The following SPECC1 variants were observed in gnomAD, a reference collection of about 807,000 sequenced individuals.
The protein encoded by SPECC1 is cytospin-B.
In SPECC1, 62 loss-of-function variants were observed where a neutral mutation model predicts 104.1. The ratio of observed to expected loss-of-function variants is 0.60; its 90% CI spans 0.49 to 0.74. SPECC1 has a LOEUF of 0.74. Among genes scored for constraint, SPECC1 ranks in the 30% least tolerant of loss-of-function variants. The pLI is 0.00. For synonymous variants in SPECC1, 513 were observed against 501.6 expected (o/e 1.02, Z -0.30); for missense variants, 1,306 against 1,310.5 (o/e 1.00, Z 0.05).
At chr17:20,184,655 G>C (rs1244978627) in intron 3 of SPECC1, among the ~76,000 whole-genome samples, 1 of 152,192 alleles carries the variant, frequency 6.6e-6, no homozygotes, top group East Asian at 1.9e-4. Flanking sequence ...AGGACCTACT[G>C]TATATAGTTT....
chr17:20,196,077 A>G (rs182005533), intron 3 of SPECC1, among the ~76,000 whole-genome samples: 302 of 152,354 alleles, frequency 2.0e-3, no homozygotes, highest in African/African-American at 7.0e-3. Flanking sequence ...TTAATTTTTT[A>G]CAAACCTTCC....
intron 3 of SPECC1, 130 bp from the exon 4 acceptor site, chr17:20,204,203 C>A: frequency 8.7e-7 from 1 of 1,154,500 alleles, no homozygotes. Context: ...GGGTAATTAG[C>A]TAGAGGAGGA....
rs2042050129 is a variant in SPECC1, at chr17:20,317,052, AC to A, written c.*2989del. The A allele has an allele frequency of 2.3e-5, 3 of 133,038 alleles. No homozygotes were observed. The highest frequency in any genetic ancestry group is 3.9e-5 in the Non-Finnish European group (3 of 77,016). 8.2% of individuals were successfully genotyped at this position (133,038 alleles called of 1,614,324 possible). On this transcript the variant is annotated 3_prime_UTR_variant, in exon 15 of 15. Transcript: ENST00000395527. ...TACAACTCCAGGAGTTTCCCCGACT[AC>A]CATTTTTTTTTTTTTTATTTGCCAG...
At chr17:20,092,977 A>G (rs747891762) in intron 1 of SPECC1, among the ~76,000 whole-genome samples, 2 of 152,164 alleles carry the variant, frequency 1.3e-5, no homozygotes, top group African/African-American at 2.4e-5. Context: ...TTTGGAACCA[A>G]TTTAAACTGG....
intron 12 of SPECC1, among the ~76,000 whole-genome samples, chr17:20,277,679 A>G (rs2040618269): frequency 1.3e-5 from 2 of 152,160 alleles, no homozygotes; most frequent in South Asian, 4.2e-4. Context: ...CTATTTCCGA[A>G]ATGTTTTCAT....
intron 3 of SPECC1, among the ~76,000 whole-genome samples, chr17:20,124,641 G>A (rs970632960): frequency 6.6e-5 from 10 of 151,970 alleles, no homozygotes; most frequent in African/African-American, 1.7e-4. Flanking sequence ...TTACTTCATC[G>A]GTTACTTCCA....
At chr17:20,054,245 C>G (rs1388007025) in intron 1 of SPECC1, among the ~76,000 whole-genome samples, 1 of 152,208 alleles carries the variant, frequency 6.6e-6, no homozygotes, top group Non-Finnish European at 1.5e-5. Flanking sequence ...TAGAGTTAAT[C>G]AAGCCCAGTC....
chr17:20,074,548 G>A (rs901666620), intron 1 of SPECC1, among the ~76,000 whole-genome samples: 1 of 152,168 alleles, frequency 6.6e-6, no homozygotes, highest in Non-Finnish European at 1.5e-5. Context: ...GCTCAGCGGT[G>A]CAGAAGGTCC....
intron 12 of SPECC1, among the ~76,000 whole-genome samples, chr17:20,274,874 A>T (rs1382553245): frequency 6.6e-6 from 1 of 151,426 alleles, no homozygotes. Context: ...TTGATGGTGG[A>T]TATTCTTGTT....
chr17:20,033,899 T>C lies in SPECC1; in HGVS notation c.-22+24475T>C, dbSNP rs149218627. ...GAGGTACAGCTTTGGGTGTGCTTAT[T>C]GTCAGCCTCAAATGACAGTGATATT... On this transcript the variant is annotated intron_variant, in intron 1 of 14. Coordinates refer to ENST00000395527, the MANE Select transcript of SPECC1 (RefSeq NM_001243439.2). Among the ~76,000 whole-genome samples, 416 of 152,314 alleles carry C rather than the reference T, an allele frequency of 2.7e-3. 1 individual carries two copies. The highest frequency in any genetic ancestry group is 8.7e-3 in the African/African-American group (362 of 41,562).
intron 1 of SPECC1, among the ~76,000 whole-genome samples, chr17:20,012,017 C>G (rs1488179009): frequency 6.6e-6 from 1 of 152,108 alleles, no homozygotes; most frequent in Non-Finnish European, 1.5e-5. Flanking sequence ...CTGAAAATGC[C>G]TTTATTCTCC....
At chr17:20,166,732 C>T (rs369521757) in intron 3 of SPECC1, among the ~76,000 whole-genome samples, 1 of 152,106 alleles carries the variant, frequency 6.6e-6, no homozygotes, top group African/African-American at 2.4e-5. Flanking sequence ...CTGTTTCACT[C>T]TTCTCTTTCC....
At chr17:20,015,315 G>A (rs1350794542) in intron 1 of SPECC1, among the ~76,000 whole-genome samples, 3 of 133,492 alleles carry the variant, frequency 2.2e-5, no homozygotes, top group Non-Finnish European at 3.3e-5. Flanking sequence ...TTTTTTTTGA[G>A]ACAGAGTATT....
intron 2 of SPECC1, among the ~76,000 whole-genome samples, chr17:20,101,949 T>C (rs1047379239): frequency 6.6e-6 from 1 of 152,234 alleles, no homozygotes; most frequent in African/African-American, 2.4e-5. Context: ...CTTAGTTACT[T>C]TAATCTGTGA....
At position 20,299,555 on chromosome 17, in the gene SPECC1, C is replaced by CAAAA. The variant is rs57493380; in HGVS notation, c.3057+2499_3057+2502dup. Reference sequence around the variant, plus strand: ...AGCCTGGGTGACAGAGACCCTGTCTCAAAAAAAAAAAAAAAAAAAAAAAAG... The same window carrying CAAAA: ...AGCCTGGGTGACAGAGACCCTGTCTCAAAAAAAAAAAAAAAAAAAAAAAAAAAAG... On this transcript the variant is annotated intron_variant, in intron 13 of 14. Transcript: ENST00000395527. 1.3e-3 allele frequency among the ~76,000 whole-genome samples: 52 copies of CAAAA among 40,330 alleles called. 2 individuals are homozygous for CAAAA. The highest frequency in any genetic ancestry group is 3.8e-3 in the African/African-American group (48 of 12,516). 26.5% of individuals were successfully genotyped at this position (40,330 alleles called of 152,430 possible).
At chr17:20,024,764 C>T (rs2044534434) in intron 1 of SPECC1, among the ~76,000 whole-genome samples, 1 of 152,080 alleles carries the variant, frequency 6.6e-6, no homozygotes, top group Admixed American at 6.6e-5. Context: ...GGCTTGTGGA[C>T]TCTGATAATA....
At chr17:20,224,051 A>G (rs1370859813) in intron 4 of SPECC1, among the ~76,000 whole-genome samples, 1 of 152,208 alleles carries the variant, frequency 6.6e-6, no homozygotes, top group Non-Finnish European at 1.5e-5. Flanking sequence ...CTGTGTCCGC[A>G]TTAGGGGGCA....
chr17:20,200,116 A>C (rs1417753239), intron 3 of SPECC1, among the ~76,000 whole-genome samples: 4 of 152,158 alleles, frequency 2.6e-5, no homozygotes, highest in African/African-American at 9.7e-5. Context: ...TTCCCTGATG[A>C]TTAGTGCATT....
chr17:20,231,105 A>G lies in SPECC1; in HGVS notation c.2072-653A>G, dbSNP rs142386388. Among the ~76,000 whole-genome samples the G allele has an allele frequency of 5.3e-5, 8 of 152,314 alleles. No homozygotes were observed. The East Asian group carries it at 9.7e-4, about 18-fold the overall frequency. On this transcript the variant is annotated intron_variant, in intron 5 of 14. Transcript: ENST00000395527. The stretch of plus-strand genomic sequence containing the variant: ...TAGCCAGATGGAGAGAATTGGAGGC[A>G]AGGAGAACAAGGGGCTGCAGGTGTC...
Sources: allele counts gnomAD v4.1 joint callset (sites outside exome capture counted in the v4.1 genomes callset), GRCh38; gene constraint gnomAD v4.1.1; transcripts MANE v1.5; gene names NCBI Gene and HGNC (gene_info 2026-07-23, HGNC 2026-07-21).